The following CA10 variants were observed in gnomAD, a reference collection of about 807,000 sequenced individuals.
The protein encoded by CA10 is carbonic anhydrase 10 (inactive).
In CA10, 14 loss-of-function variants were observed where a neutral mutation model predicts 44.2. The ratio of observed to expected loss-of-function variants is 0.32; its 90% CI spans 0.21 to 0.50. CA10 has a LOEUF of 0.50. CA10 is among the 20% of genes least tolerant of loss of function. The probability of loss-of-function intolerance (pLI) is 0.99; values close to 1 mark genes in which losing one functional copy is unlikely to be tolerated. For synonymous variants in CA10, 159 were observed against 141.6 expected, an observed-to-expected ratio of 1.12 and a Z score of -0.87; for missense variants, 350 against 409.7, an observed-to-expected ratio of 0.85 and a Z score of 1.26.
intron 3 of CA10, among the ~76,000 whole-genome samples, chr17:51,898,859 G>A (rs1040818432): frequency 6.6e-6 from 1 of 151,684 alleles, no homozygotes; most frequent in Admixed American, 6.6e-5. Context: ...AGTAGTCTCT[G>A]AGGTTTTTTT....
intron 4 of CA10, among the ~76,000 whole-genome samples, chr17:51,715,988 C>T (rs1407514628): frequency 6.6e-6 from 1 of 152,114 alleles, no homozygotes; most frequent in African/African-American, 2.4e-5. Context: ...CCGTGCCCGG[C>T]CCTCATTCTT....
chr17:52,007,759 T>C (rs1985651084), intron 2 of CA10, among the ~76,000 whole-genome samples: 1 of 151,434 alleles, frequency 6.6e-6, no homozygotes, highest in Non-Finnish European at 1.5e-5. Flanking sequence ...TAAAATGAAT[T>C]GGGTAGCATT....
chr17:52,046,673 C>T (rs1213049041), intron 2 of CA10, among the ~76,000 whole-genome samples: 2 of 151,690 alleles, frequency 1.3e-5, no homozygotes, highest in Admixed American at 6.6e-5. Context: ...CTTTACAGCT[C>T]CTTTCAGAAA....
intron 4 of CA10, among the ~76,000 whole-genome samples, chr17:51,675,904 TG>T (rs1256232152): frequency 3.9e-5 from 6 of 152,158 alleles, no homozygotes; most frequent in Admixed American, 6.5e-5. Context: ...GACATTTGCA[TG>T]TGAGAGACAC....
chr17:52,029,183 C>CT (rs1986389457), intron 2 of CA10, among the ~76,000 whole-genome samples: 2 of 152,156 alleles, frequency 1.3e-5, no homozygotes, highest in Admixed American at 1.3e-4. Flanking sequence ...CCTCTTAGAT[C>CT]TTGCCTTCTC....
chr17:51,713,835 G>A (rs1916015843), intron 4 of CA10, among the ~76,000 whole-genome samples: 1 of 152,180 alleles, frequency 6.6e-6, no homozygotes, highest in African/African-American at 2.4e-5. Context: ...AATATGAATG[G>A]AAGGTGAATG....
At chr17:52,018,684 C>T (rs1020974035) in intron 2 of CA10, among the ~76,000 whole-genome samples, 2 of 151,868 alleles carry the variant, frequency 1.3e-5, no homozygotes, top group South Asian at 2.1e-4. Flanking sequence ...TTGAGTGATG[C>T]TGGAATGAGT....
At chr17:52,071,151 A>AAC (rs1987669871) in intron 2 of CA10, among the ~76,000 whole-genome samples, 1 of 152,230 alleles carries the variant, frequency 6.6e-6, no homozygotes, top group Non-Finnish European at 1.5e-5. Flanking sequence ...TATCATTAGA[A>AAC]ACCTGGTCAT....
At position 52,157,916 on chromosome 17, in the gene CA10, A is replaced by G; in HGVS notation, c.-130T>C. 1.3e-6 allele frequency: 1 copy of G among 763,236 alleles called. No homozygotes were observed. The highest frequency in any genetic ancestry group is 2.4e-5 in the East Asian group (1 of 40,824). The allele number at this position is 763,236 out of a possible 1,614,324, so 47.3% of individuals were successfully genotyped here. ...GTGCACACTCGCACTCCCACCCGAC[A>G]GCCGGCCAGGGACAGTCACCCCCAA... On this transcript the variant is annotated 5_prime_UTR_variant, in exon 1 of 9. Transcript: ENST00000451037.
At chr17:52,009,679 A>C (rs937720007) in intron 2 of CA10, among the ~76,000 whole-genome samples, 4 of 152,058 alleles carry the variant, frequency 2.6e-5, no homozygotes, top group Admixed American at 2.6e-4. Context: ...TTTTAGAGTG[A>C]TAAAAATTAT....
At chr17:52,004,748 T>C (rs1985541111) in intron 2 of CA10, among the ~76,000 whole-genome samples, 1 of 151,884 alleles carries the variant, frequency 6.6e-6, no homozygotes, top group Non-Finnish European at 1.5e-5. Flanking sequence ...AAGTGAGGCA[T>C]GGAGAAGTTC....
At chr17:51,984,165 T>C (rs1984748165) in intron 2 of CA10, among the ~76,000 whole-genome samples, 1 of 151,492 alleles carries the variant, frequency 6.6e-6, no homozygotes, top group Non-Finnish European at 1.5e-5. Context: ...CTCTATACAA[T>C]CTCACAGAAT....
intron 6 of CA10, among the ~76,000 whole-genome samples, chr17:51,637,897 TAAC>T (rs1247309099): frequency 6.6e-6 from 1 of 152,230 alleles, no homozygotes; most frequent in African/African-American, 2.4e-5. Context: ...ACAGAGCAAT[TAAC>T]AAGATAGATG....
intron 4 of CA10, among the ~76,000 whole-genome samples, chr17:51,674,274 A>G (rs761039648): frequency 7.9e-5 from 12 of 152,198 alleles, no homozygotes; most frequent in Admixed American, 2.0e-4. Context: ...TTCTGAATTG[A>G]TCCAACTGAT....
chr17:52,151,034 G>C (rs1286806392), intron 1 of CA10, among the ~76,000 whole-genome samples: 1 of 151,888 alleles, frequency 6.6e-6, no homozygotes, highest in East Asian at 1.9e-4. Context: ...AATAAATGTT[G>C]ACAGAAAAAG....
chr17:51,787,009 T>C (rs1906315149), intron 3 of CA10, among the ~76,000 whole-genome samples: 1 of 152,224 alleles, frequency 6.6e-6, no homozygotes, highest in Admixed American at 6.5e-5. Flanking sequence ...CATCTTTGCA[T>C]CCCAGGGATA....
chr17:51,666,085 A>G (rs925993452), intron 4 of CA10, among the ~76,000 whole-genome samples: 1 of 152,260 alleles, frequency 6.6e-6, no homozygotes, highest in African/African-American at 2.4e-5. Context: ...AAATCCAAAC[A>G]AAACAAAATA....
chr17:51,880,305 A>T (rs4794308), intron 3 of CA10, among the ~76,000 whole-genome samples: 1 of 150,944 alleles, frequency 6.6e-6, no homozygotes, highest in Non-Finnish European at 1.5e-5. Flanking sequence ...GCAAAAAAAT[A>T]TTTTTTTTTC....
intron 3 of CA10, among the ~76,000 whole-genome samples, chr17:51,930,149 G>C (rs1179824437): frequency 1.3e-5 from 2 of 152,060 alleles, no homozygotes; most frequent in Non-Finnish European, 2.9e-5. Context: ...AAACCCTGAA[G>C]AATCAGCCGC....
Sources: allele counts gnomAD v4.1 joint callset (sites outside exome capture counted in the v4.1 genomes callset), GRCh38; gene constraint gnomAD v4.1.1; transcripts MANE v1.5; gene names NCBI Gene and HGNC (gene_info 2026-07-23, HGNC 2026-07-21).